Variants in TG observed in about 807,000 individuals in gnomAD.
TG encodes the protein thyroid hormones.
Under a neutral mutation model 324.7 loss-of-function variants are expected in TG, and 270 were observed. That is an observed-to-expected ratio of 0.83 (90% CI 0.75 to 0.92). The LOEUF is 0.92. TG is among the 40% of genes least tolerant of loss of function. TG has a pLI of 0.00. For missense variants in TG, 3,591 were observed against 3,456.4 expected, an observed-to-expected ratio of 1.04 and a Z score of -0.98; for synonymous variants, 1,401 against 1,327.0, an observed-to-expected ratio of 1.06 and a Z score of -1.21.
intron 16 of TG, 110 bp downstream of exon 16, chr8:132,901,663 G>T: frequency 8.4e-7 from 1 of 1,196,560 alleles, no homozygotes; most frequent in South Asian, 1.5e-5. Flanking sequence ...GGGGAGGCAG[G>T]AAGTGCAGGA....
chr8:133,034,311 A>C (rs1425538256), intron 41 of TG, among the ~76,000 whole-genome samples: 1 of 152,176 alleles, frequency 6.6e-6, no homozygotes, highest in African/African-American at 2.4e-5. Context: ...CTTTTTGTAC[A>C]GTTTTGAACA....
At chr8:133,038,841 C>T in intron 41 of TG, 5 of 677,466 alleles carry the variant, frequency 7.4e-6, no homozygotes, top group Admixed American at 2.9e-5. Context: ...AAAAGAAAAA[C>T]AAAAATCCTG....
rs531334405 is a variant in TG, at chr8:132,989,572, C to T, written c.6262+6160C>T. 3.0e-4 allele frequency among the ~76,000 whole-genome samples: 45 copies of T among 152,300 alleles called. 4 individuals carry two copies. The South Asian group carries it at 7.3e-3, about 25-fold the overall frequency. ...TCTCTCCTGACCTCATCCTGGAGCT[C>T]AGTGACAGGGACAAAGCCTGAATTC... On this transcript the variant is annotated intron_variant, in intron 35 of 47. Transcript: ENST00000220616.
intron 41 of TG, among the ~76,000 whole-genome samples, chr8:133,092,393 G>T (rs187930040): frequency 6.6e-6 from 1 of 152,176 alleles, no homozygotes; most frequent in Non-Finnish European, 1.5e-5. Context: ...GAAACTCCTC[G>T]CCATTGAATA....
In TG at chr8:133,133,026, C is replaced by T. The variant is rs555937062; in HGVS notation, c.7998-444C>T. 2.6e-5 allele frequency among the ~76,000 whole-genome samples: 4 copies of T among 152,292 alleles called. 1 individual carries two copies. The South Asian group carries it at 8.3e-4, about 32-fold the overall frequency. On this transcript the variant is annotated intron_variant, in intron 46 of 47. Coordinates refer to ENST00000220616, the MANE Select transcript of TG (RefSeq NM_003235.5). Reference sequence around the variant, plus strand: ...CCTGGGCAGCAAGTTTGGGAAGGAGCCTTTATCCCAACAGGTCTGACATCC... The same window carrying T: ...CCTGGGCAGCAAGTTTGGGAAGGAGTCTTTATCCCAACAGGTCTGACATCC...
intron 41 of TG, among the ~76,000 whole-genome samples, chr8:133,034,101 T>C (rs7002366): frequency 7.2e-5 from 11 of 152,146 alleles, no homozygotes. Context: ...ACCAAGATAT[T>C]CATGAGTTTT....
chr8:133,106,562 C>A (rs756783763), intron 43 of TG: 72 of 596,132 alleles, frequency 1.2e-4, no homozygotes, highest in South Asian at 2.9e-4. Context: ...CCACTGACCC[C>A]GTGGACCTCG....
intron 37 of TG, among the ~76,000 whole-genome samples, chr8:133,016,276 G>T (rs1456594466): frequency 1.3e-5 from 2 of 152,142 alleles, no homozygotes; most frequent in Admixed American, 1.3e-4. Flanking sequence ...TGACATTTGG[G>T]GCTGGAGTAT....
At chr8:133,050,194 G>A in intron 41 of TG, 1 of 572,058 alleles carries the variant, frequency 1.7e-6, no homozygotes, top group Non-Finnish European at 3.1e-6. Flanking sequence ...TCCATTGCAA[G>A]CCAACTGGTA....
intron 41 of TG, among the ~76,000 whole-genome samples, chr8:133,073,760 G>A (rs890020562): frequency 1.3e-5 from 2 of 151,938 alleles, no homozygotes; most frequent in Non-Finnish European, 2.9e-5. Context: ...CTCTGCATCC[G>A]CTTGTTCTCG....
chr8:132,898,307 C>A, intron 13 of TG, 61 bp downstream of exon 13: 3 of 1,501,654 alleles, frequency 2.0e-6, no homozygotes, highest in South Asian at 1.2e-5. Flanking sequence ...CTGGTCTAGT[C>A]AGCTGTGGTT....
chr8:133,037,337 C>T (rs1356960651), intron 41 of TG: 1 of 152,216 alleles, frequency 6.6e-6, no homozygotes, highest in Non-Finnish European at 1.5e-5. Context: ...CCCCATCTTT[C>T]CTGGAGCTGA....
At position 132,920,258 on chromosome 8, in the gene TG, A is replaced by G. The variant is rs537331870; in HGVS notation, c.4528+733A>G. On this transcript the variant is annotated intron_variant, in intron 21 of 47. Transcript: ENST00000220616. ...TTGTTGGGTTTTTTTCCTAGCAAGG[A>G]CCCATAACTTGCCTTGTTGTGCATC... Among the ~76,000 whole-genome samples the G allele has an allele frequency of 5.3e-5, 8 of 152,244 alleles. No homozygotes were observed. The South Asian group carries it at 1.7e-3, about 32-fold the overall frequency.
intron 41 of TG, among the ~76,000 whole-genome samples, chr8:133,089,733 T>TC (rs775476810): frequency 2.1e-4 from 32 of 152,194 alleles, no homozygotes; most frequent in Non-Finnish European, 8.8e-5. Context: ...CCAGGCCCTG[T>TC]CCTGGGGCTG....
Position 132,999,891 on chromosome 8 carries a change from T to C in TG, c.6263-12010T>C, listed in dbSNP as rs554860331. ...CCCTCAATCCTTTATGTGGGTCTTTTCTGGTCCTTCTGGGTCACACAACCA... is the reference window on the plus strand; with the variant it reads ...CCCTCAATCCTTTATGTGGGTCTTTCCTGGTCCTTCTGGGTCACACAACCA... On this transcript the variant is annotated intron_variant, in intron 35 of 47. Coordinates refer to ENST00000220616, the MANE Select transcript of TG (RefSeq NM_003235.5). Among the ~76,000 whole-genome samples, 5 of 152,348 alleles carry C rather than the reference T, an allele frequency of 3.3e-5. No homozygotes were observed. The South Asian group carries it at 1.0e-3, about 32-fold the overall frequency.
intron 41 of TG, among the ~76,000 whole-genome samples, chr8:133,043,203 C>T (rs146565712): frequency 3.3e-5 from 5 of 152,140 alleles, no homozygotes; most frequent in African/African-American, 1.2e-4. Flanking sequence ...TGAGATATTC[C>T]CCATGGTCAA....
chr8:133,096,092 G>A (rs977374653), intron 42 of TG, 114 bp from the exon 43 acceptor site: 3 of 1,344,610 alleles, frequency 2.2e-6, no homozygotes, highest in South Asian at 2.4e-5. Context: ...CTTTTTCTCA[G>A]TAGAGTCATA....
At chr8:132,904,216 C>T (rs1818348607) in intron 16 of TG, among the ~76,000 whole-genome samples, 1 of 152,184 alleles carries the variant, frequency 6.6e-6, no homozygotes, top group Non-Finnish European at 1.5e-5. Flanking sequence ...CCTGGGAGGC[C>T]TTTGGGCAGT....
intron 41 of TG, among the ~76,000 whole-genome samples, chr8:133,070,029 A>C (rs60297487): frequency 0.76 from 82,434 of 109,052 alleles, 32,493 homozygotes; most frequent in African/African-American, 0.81. Flanking sequence ...AAAAAAAAGA[A>C]AGAAAGAAAG....
Sources: gnomAD v4.1 joint callset for allele counts (sites outside exome capture counted in the v4.1 genomes callset) on GRCh38, gnomAD v4.1.1 for gene constraint, MANE v1.5 for transcripts, NCBI Gene and HGNC (gene_info 2026-07-23, HGNC 2026-07-21) for gene names.